Variants in DMTF1 observed in about 807,000 individuals in gnomAD.
DMTF1 encodes the protein cyclin D binding myb like transcription factor 1.
A neutral mutation model predicts 91.1 loss-of-function variants in DMTF1; 39 were observed. The ratio of observed to expected loss-of-function variants is 0.43; its 90% CI spans 0.33 to 0.56. The LOEUF (loss-of-function observed/expected upper bound fraction) is 0.56. DMTF1 is among the 20% of genes least tolerant of loss of function. The probability of loss-of-function intolerance (pLI) is 0.05; values close to 1 mark genes in which losing one functional copy is unlikely to be tolerated. For missense variants in DMTF1, 750 were observed against 914.5 expected (o/e 0.82, Z 2.32); for synonymous variants, 338 against 309.5 (o/e 1.09, Z -0.97).
intron 7 of DMTF1, among the ~76,000 whole-genome samples, chr7:87,177,335 G>A (rs190891462): frequency 1.3e-5 from 2 of 152,114 alleles, no homozygotes; most frequent in Non-Finnish European, 2.9e-5. Flanking sequence ...AATCTAGTGG[G>A]TGTTAATTAT....
chr7:87,178,987 C>T (rs1418558569), intron 7 of DMTF1, among the ~76,000 whole-genome samples: 1 of 151,784 alleles, frequency 6.6e-6, no homozygotes, highest in Non-Finnish European at 1.5e-5. Flanking sequence ...TTGATGTCTT[C>T]TAGGAATTGA....
At chr7:87,160,765 A>G (rs973634602) in intron 1 of DMTF1, among the ~76,000 whole-genome samples, 6 of 152,304 alleles carry the variant, frequency 3.9e-5, no homozygotes, top group East Asian at 1.9e-4. Flanking sequence ...TGCTCATTGA[A>G]AAAACACTCT....
At chr7:87,176,583 G>T (rs567152422) in intron 7 of DMTF1, among the ~76,000 whole-genome samples, 5 of 152,118 alleles carry the variant, frequency 3.3e-5, no homozygotes, top group Non-Finnish European at 7.3e-5. Context: ...GGTAGAAATA[G>T]AATTGGTAGG....
chr7:87,153,069 G>C (rs924709976), intron 1 of DMTF1: 1 of 152,610 alleles, frequency 6.6e-6, no homozygotes, highest in African/African-American at 2.4e-5. Flanking sequence ...AGAGAGTGGG[G>C]GTGGGTCTCG....
In DMTF1 at chr7:87,196,313, AT is replaced by A. The variant is rs1225224356; in HGVS notation, c.*1174del. On this transcript the variant is annotated 3_prime_UTR_variant, in exon 18 of 18. Coordinates refer to ENST00000331242, the MANE Select transcript of DMTF1 (RefSeq NM_001142327.2). The stretch of plus-strand genomic sequence containing the variant: ...TATTCAGTTTAACAGAAATAAAAGA[AT>A]ATTTGTCTTAAGATGCAAGATTTGT... The A allele has an allele frequency of 1.5e-5, 3 of 202,548 alleles. No individual in the cohort carries two copies. Among genetic ancestry groups the A allele is most frequent in the African/African-American group, 7.0e-5 (3 of 42,918 alleles). The allele number at this position is 202,548 out of a possible 1,614,324, so 12.5% of individuals were successfully genotyped here.
intron 1 of DMTF1, chr7:87,155,615 G>T (rs1325964435): frequency 6.6e-6 from 1 of 152,096 alleles, no homozygotes; most frequent in African/African-American, 2.4e-5. Flanking sequence ...TATCTTGATG[G>T]TGCTTTCATT....
chr7:87,187,177 T>C (rs967947338), intron 12 of DMTF1: 1 of 152,198 alleles, frequency 6.6e-6, no homozygotes, highest in Non-Finnish European at 1.5e-5. Context: ...TTAACTTCCA[T>C]TATTCCAAAG....
At chr7:87,173,379 T>C (rs1383251413) in intron 5 of DMTF1, among the ~76,000 whole-genome samples, 156 bp from the exon 6 acceptor site, 1 of 152,178 alleles carries the variant, frequency 6.6e-6, no homozygotes, top group African/African-American at 2.4e-5. Flanking sequence ...AAATTGGATA[T>C]ATTTTTACTA....
At chr7:87,175,419 T>C (rs550166312) in intron 7 of DMTF1, among the ~76,000 whole-genome samples, 11 of 152,338 alleles carry the variant, frequency 7.2e-5, no homozygotes, top group Admixed American at 4.6e-4. Context: ...GGTTTATTTC[T>C]TATTAGCTTA....
At chr7:87,185,112 C>G (rs1238780743) in intron 11 of DMTF1, 2 of 244,280 alleles carry the variant, frequency 8.2e-6, no homozygotes, top group African/African-American at 4.5e-5. Flanking sequence ...CATACAAATT[C>G]AAAAAAGCTT....
At chr7:87,186,958 G>T (rs1295981609) in intron 12 of DMTF1, 1 of 152,132 alleles carries the variant, frequency 6.6e-6, no homozygotes, top group Non-Finnish European at 1.5e-5. Context: ...TCTTAGCTAG[G>T]TGTGTTAGAG....
At position 87,185,952 on chromosome 7, in the gene DMTF1, T is replaced by G; in HGVS notation, c.1173T>G (p.Ile391Met). ...AATGGTGGACCATCAAAAGGCAAAT[T>G]GCAAACCATAAGGATGTTTCGTTCC... is the stretch of plus-strand genomic sequence containing the variant. ...RSKWWTIKRQ[I>M]ANHKDVSFPV... Residue 391 changes from isoleucine to methionine, a missense_variant, in exon 12 of 18, where the codon ATT (isoleucine) becomes ATG (methionine). Ile to Met is a conservative substitution (Grantham distance 10). Around this residue, in one of 3 missense-constraint regions of DMTF1, gnomAD observed 190 missense variants for 343.8 expected, o/e 0.55. Transcript: ENST00000331242. 6.2e-7 allele frequency: 1 copy of G among 1,613,876 alleles called. No individual in the cohort carries two copies. The highest frequency in any genetic ancestry group is 1.3e-5 in the African/African-American group (1 of 75,012).
At chr7:87,153,091 C>CGA (rs1350778157) in intron 1 of DMTF1, 1 of 152,344 alleles carries the variant, frequency 6.6e-6, no homozygotes, top group East Asian at 1.9e-4. Flanking sequence ...CCCAACTTCC[C>CGA]CCCCTTTGCT....
At chr7:87,189,690 CA>C (rs1799300038) in intron 13 of DMTF1, among the ~76,000 whole-genome samples, 1 of 152,098 alleles carries the variant, frequency 6.6e-6, no homozygotes, top group Admixed American at 6.6e-5. Context: ...GAACAGGGAT[CA>C]GCAAATTTCT....
chr7:87,162,811 G>GT (rs1385103753), intron 1 of DMTF1: 5 of 81,532 alleles, frequency 6.1e-5, no homozygotes, highest in Admixed American at 3.8e-4. Context: ...CTCAAATCAT[G>GT]TGCTTTTTTT....
rs756256141 is a variant in DMTF1 at position 87,184,413 on chromosome 7, A to G, written c.837A>G (p.Glu279=). 2 of 1,613,806 alleles carry G rather than the reference A, an allele frequency of 1.2e-6. No individual in the cohort carries two copies. The highest frequency in any genetic ancestry group is 8.5e-7 in the Non-Finnish European group (1 of 1,179,840). The part of the protein sequence containing the change: ...DTCNTGKWTE[E]EEKRLAEVVH... ...TTTTTTCAGGGAAGTGGACAGAAGAAGAAGAAAAGAGACTTGCAGAAGTGG... is the reference window on the plus strand; with the variant it reads ...TTTTTTCAGGGAAGTGGACAGAAGAGGAAGAAAAGAGACTTGCAGAAGTGG... The change falls in exon 11 of 18, where the codon GAA becomes GAG. Residue 279 remains glutamate, a synonymous_variant. Coordinates refer to ENST00000331242, the MANE Select transcript of DMTF1 (RefSeq NM_001142327.2).
At chr7:87,174,879 C>T (rs1197805932) in intron 7 of DMTF1, among the ~76,000 whole-genome samples, 5 of 152,098 alleles carry the variant, frequency 3.3e-5, no homozygotes, top group African/African-American at 1.2e-4. Flanking sequence ...AGCTTTACTG[C>T]TTTAGTTACC....
intron 1 of DMTF1, among the ~76,000 whole-genome samples, chr7:87,156,984 C>G (rs1465387347): frequency 6.6e-6 from 1 of 152,064 alleles, no homozygotes; most frequent in Admixed American, 6.5e-5. Context: ...GCTCCTGATA[C>G]AGTAAGTACA....
chr7:87,158,782 A>T (rs186277709), intron 1 of DMTF1, among the ~76,000 whole-genome samples: 2 of 152,172 alleles, frequency 1.3e-5, no homozygotes, highest in African/African-American at 4.8e-5. Flanking sequence ...GTCTTCATTT[A>T]TAGGGTATAA....
Sources: allele counts gnomAD v4.1 joint callset (sites outside exome capture counted in the v4.1 genomes callset), GRCh38; gene constraint gnomAD v4.1.1; regional missense constraint gnomAD v4.1.1; transcripts MANE v1.5; gene names NCBI Gene and HGNC (gene_info 2026-07-23, HGNC 2026-07-21).